Variants in AOPEP observed in about 807,000 individuals in gnomAD.
AOPEP encodes aminopeptidase O (putative).
A neutral mutation model predicts 98.1 loss-of-function variants in AOPEP; 77 were observed. The observed-to-expected ratio is 0.78, with a 90% CI of 0.65 to 0.95. AOPEP has a LOEUF of 0.95. Ranked by LOEUF, AOPEP falls within the 40% of genes least tolerant of loss-of-function variation. The pLI is 0.00. For missense variants in AOPEP, 1,024 were observed against 1,024.7 expected, an observed-to-expected ratio of 1.00 and a Z score of 0.01; for synonymous variants, 346 against 365.3, an observed-to-expected ratio of 0.95 and a Z score of 0.60.
intron 5 of AOPEP, among the ~76,000 whole-genome samples, chr9:94,902,531 G>C (rs180872441): frequency 6.6e-6 from 1 of 152,294 alleles, no homozygotes; most frequent in Admixed American, 6.5e-5. Flanking sequence ...CAATTGCCTA[G>C]TTGAGAATTT....
intron 11 of AOPEP, 103 bp downstream of exon 11, chr9:94,979,530 G>C (rs2060049818): frequency 1.4e-6 from 1 of 729,666 alleles, no homozygotes; most frequent in Non-Finnish European, 2.4e-6. Flanking sequence ...GTGTAGGAAA[G>C]TAATTATCTT....
intron 1 of AOPEP, among the ~76,000 whole-genome samples, chr9:94,746,884 C>G (rs1021369132): frequency 5.3e-5 from 8 of 152,104 alleles, no homozygotes; most frequent in Non-Finnish European, 7.4e-5. Flanking sequence ...CTCCCCCCCA[C>G]TTGACTGGTT....
At chr9:94,941,241 A>G (rs933293419) in intron 7 of AOPEP, among the ~76,000 whole-genome samples, 1 of 152,192 alleles carries the variant, frequency 6.6e-6, no homozygotes, top group Admixed American at 6.5e-5. Flanking sequence ...CACTGTCCAG[A>G]GTGGAAAAAA....
chr9:95,058,996 G>A (rs918233195), intron 13 of AOPEP, among the ~76,000 whole-genome samples: 1 of 152,226 alleles, frequency 6.6e-6, no homozygotes, highest in Non-Finnish European at 1.5e-5. Context: ...ACATGCACCC[G>A]GCAGTGTTCA....
intron 9 of AOPEP, among the ~76,000 whole-genome samples, chr9:94,965,340 A>G (rs2059123628): frequency 5.9e-5 from 9 of 152,242 alleles, no homozygotes; most frequent in Admixed American, 5.9e-4. Context: ...ATAAACAAGT[A>G]AAGTCTCAGA....
chr9:94,831,866 A>G (rs1856049100), intron 5 of AOPEP, among the ~76,000 whole-genome samples: 1 of 152,134 alleles, frequency 6.6e-6, no homozygotes, highest in East Asian at 1.9e-4. Context: ...GCTCAAGGAA[A>G]TCAGAGAGGA....
chr9:94,844,219 C>T (rs143468805), intron 5 of AOPEP, among the ~76,000 whole-genome samples: 17 of 152,230 alleles, frequency 1.1e-4, no homozygotes, highest in African/African-American at 4.1e-4. Flanking sequence ...CCATGCCCAG[C>T]TAATTTTTCT....
chr9:94,825,306 G>C (rs1854250977), intron 5 of AOPEP, among the ~76,000 whole-genome samples: 1 of 152,154 alleles, frequency 6.6e-6, no homozygotes, highest in Non-Finnish European at 1.5e-5. Flanking sequence ...CTGCTGTTTT[G>C]CCTGTGCCTC....
At chr9:94,945,140 G>A (rs566086638) in intron 7 of AOPEP, among the ~76,000 whole-genome samples, 4 of 152,216 alleles carry the variant, frequency 2.6e-5, no homozygotes, top group South Asian at 2.1e-4. Flanking sequence ...TAACAACCCC[G>A]TGGAATGATA....
downstream of AOPEP, among the ~76,000 whole-genome samples, chr9:95,091,856 C>T (rs543985884): frequency 1.3e-5 from 2 of 152,254 alleles, no homozygotes; most frequent in African/African-American, 2.4e-5. Flanking sequence ...CAACTTGGCA[C>T]GTGTGCATGT....
intron 13 of AOPEP, among the ~76,000 whole-genome samples, chr9:95,009,203 CT>C (rs763516476): frequency 2.6e-5 from 4 of 151,514 alleles, no homozygotes; most frequent in East Asian, 1.9e-4. Context: ...GAGGAATGCA[CT>C]TTTTTTTCTT....
At position 94,789,013 on chromosome 9, in the gene AOPEP, C is replaced by T. The variant is rs535050245; in HGVS notation, c.965-3752C>T. ...CTGGGCCTGCTTAGTTTAGCATTTCCTCTACCCTAGAGCCTTTTGGAGCTT... is the reference window on the plus strand; with the variant it reads ...CTGGGCCTGCTTAGTTTAGCATTTCTTCTACCCTAGAGCCTTTTGGAGCTT... On this transcript the variant is annotated intron_variant, in intron 3 of 16. Transcript: ENST00000375315. Among the ~76,000 whole-genome samples, 8 of 152,288 alleles carry T rather than the reference C, an allele frequency of 5.3e-5. No individual in the cohort carries two copies. The South Asian group carries it at 1.2e-3, about 24-fold the overall frequency.
chr9:95,036,373 C>T (rs532232563), intron 13 of AOPEP, among the ~76,000 whole-genome samples: 1 of 152,158 alleles, frequency 6.6e-6, no homozygotes, highest in African/African-American at 2.4e-5. Flanking sequence ...AAATCTTTGC[C>T]TTTGGAAAAA....
intron 5 of AOPEP, among the ~76,000 whole-genome samples, chr9:94,837,023 A>G (rs1234546165): frequency 6.6e-6 from 1 of 152,216 alleles, no homozygotes; most frequent in Admixed American, 6.5e-5. Flanking sequence ...AGATTAACCA[A>G]GAAAAGAAGA....
intron 11 of AOPEP, among the ~76,000 whole-genome samples, chr9:94,983,854 C>T (rs7857726): frequency 1.4e-5 from 2 of 139,530 alleles, no homozygotes; most frequent in Non-Finnish European, 3.1e-5. Flanking sequence ...CCCTCCCCTC[C>T]CCCCTCCCCC....
At chr9:94,989,875 C>T (rs2060783687) in intron 11 of AOPEP, among the ~76,000 whole-genome samples, 1 of 152,114 alleles carries the variant, frequency 6.6e-6, no homozygotes, top group Admixed American at 6.6e-5. Flanking sequence ...TCCCAAAGTG[C>T]TGGGATTACA....
the AOPEP span, among the ~76,000 whole-genome samples, chr9:95,118,406 G>A: frequency 6.6e-6 from 1 of 152,232 alleles, no homozygotes; most frequent in African/African-American, 2.4e-5. Context: ...TGCCCCCAAG[G>A]GGCACAGAAG....
the AOPEP span, chr9:95,110,774 C>G: frequency 9.1e-7 from 1 of 1,104,464 alleles, no homozygotes. Context: ...AAGAACCTAG[C>G]AAATCAATGC....
At chr9:94,766,061 T>C (rs117493254) in intron 2 of AOPEP, among the ~76,000 whole-genome samples, 399 of 152,340 alleles carry the variant, frequency 2.6e-3, no homozygotes, top group Non-Finnish European at 4.5e-3. Flanking sequence ...AAGAGTTGTG[T>C]AAAGGTGTTC....
Sources: gnomAD v4.1 joint callset for allele counts (sites outside exome capture counted in the v4.1 genomes callset) on GRCh38, gnomAD v4.1.1 for gene constraint, MANE v1.5 for transcripts, NCBI Gene and HGNC (gene_info 2026-07-23, HGNC 2026-07-21) for gene names.